The following SLC8A1 variants were observed in gnomAD, a reference collection of about 807,000 sequenced individuals.
SLC8A1 encodes sodium/calcium exchanger 1.
In SLC8A1, 18 loss-of-function variants were observed where a neutral mutation model predicts 68.3. That is an observed-to-expected ratio of 0.26 (90% CI 0.18 to 0.39). The LOEUF is 0.39. SLC8A1 is among the 10% of genes least tolerant of loss of function. SLC8A1 has a pLI of 1.00. For missense variants in SLC8A1, 985 were observed against 1,156.7 expected (o/e 0.85, Z 2.15); for synonymous variants, 475 against 415.5 (o/e 1.14, Z -1.74).
chr2:40,159,010 A>G (rs421960), intron 6 of SLC8A1, among the ~76,000 whole-genome samples: 3,769 of 152,266 alleles, frequency 0.025, 171 homozygotes, highest in African/African-American at 0.086. Flanking sequence ...ACTGGTCATA[A>G]AATGTTTCCT....
chr2:40,350,018 T>G (rs1670562610), intron 2 of SLC8A1, among the ~76,000 whole-genome samples: 1 of 152,194 alleles, frequency 6.6e-6, no homozygotes, highest in Non-Finnish European at 1.5e-5. Flanking sequence ...TTCTGAGCTT[T>G]GCTGTAGACT....
chr2:40,319,202 A>G (rs1280965882), intron 2 of SLC8A1, among the ~76,000 whole-genome samples: 1 of 152,096 alleles, frequency 6.6e-6, no homozygotes, highest in Non-Finnish European at 1.5e-5. Context: ...TGTGATCACA[A>G]TGAGAATTTC....
chr2:40,175,866 AT>A, intron 3 of SLC8A1: 1 of 344,188 alleles, frequency 2.9e-6, no homozygotes, highest in Non-Finnish European at 5.8e-6. Context: ...TTTGGATGAT[AT>A]TTTGTCCACC....
intron 4 of SLC8A1, among the ~76,000 whole-genome samples, chr2:40,174,054 G>A (rs2048021919): frequency 1.3e-5 from 2 of 152,044 alleles, no homozygotes; most frequent in Admixed American, 1.3e-4. Flanking sequence ...GACATTTTGA[G>A]TTTTTATAGA....
At chr2:40,308,455 A>G (rs943077859) in intron 2 of SLC8A1, among the ~76,000 whole-genome samples, 24 of 152,266 alleles carry the variant, frequency 1.6e-4, no homozygotes, top group African/African-American at 5.8e-4. Flanking sequence ...CATGCTACAG[A>G]AAGTAACCAA....
chr2:40,409,881 T>C (rs1319394916), intron 2 of SLC8A1, among the ~76,000 whole-genome samples: 1 of 152,070 alleles, frequency 6.6e-6, no homozygotes, highest in Non-Finnish European at 1.5e-5. Context: ...AACCAATTAA[T>C]CTGAAAACTT....
intron 7 of SLC8A1, among the ~76,000 whole-genome samples, chr2:40,137,540 A>G (rs2040748007): frequency 6.6e-6 from 1 of 152,206 alleles, no homozygotes; most frequent in South Asian, 2.1e-4. Context: ...ATATTTTCCT[A>G]TAATTACCTC....
At chr2:40,376,713 C>T (rs1002820103) in intron 2 of SLC8A1, among the ~76,000 whole-genome samples, 6 of 152,114 alleles carry the variant, frequency 3.9e-5, no homozygotes, top group Non-Finnish European at 8.8e-5. Flanking sequence ...AGACAAGGAC[C>T]GATGATGCTT....
intron 2 of SLC8A1, among the ~76,000 whole-genome samples, chr2:40,382,152 C>G (rs1575893497): frequency 6.6e-6 from 1 of 152,174 alleles, no homozygotes; most frequent in Middle Eastern, 3.4e-3. Flanking sequence ...TTAATTATTA[C>G]TTTACATATC....
At chr2:40,345,226 G>C (rs564810328) in intron 2 of SLC8A1, among the ~76,000 whole-genome samples, 154 of 152,186 alleles carry the variant, frequency 1.0e-3, no homozygotes, top group African/African-American at 3.5e-3. Flanking sequence ...AGCATAGCAA[G>C]AAATTTCACT....
At chr2:40,198,219 T>C (rs918311008) in intron 2 of SLC8A1, among the ~76,000 whole-genome samples, 1 of 151,856 alleles carries the variant, frequency 6.6e-6, no homozygotes, top group Non-Finnish European at 1.5e-5. Flanking sequence ...AATATAGGGA[T>C]TAGAAGTAAA....
intron 1 of SLC8A1, among the ~76,000 whole-genome samples, chr2:40,439,238 C>G (rs573819464): frequency 2.0e-5 from 3 of 152,080 alleles, no homozygotes; most frequent in Non-Finnish European, 4.4e-5. Context: ...TAAGAAGAAA[C>G]AAGCAAGGAT....
chr2:40,289,979 T>G (rs760863171), intron 2 of SLC8A1, among the ~76,000 whole-genome samples: 1 of 151,910 alleles, frequency 6.6e-6, no homozygotes, highest in Non-Finnish European at 1.5e-5. Context: ...ATTTTTTAGG[T>G]AGTTGGTGCT....
intron 7 of SLC8A1, among the ~76,000 whole-genome samples, chr2:40,128,198 G>T (rs962044925): frequency 1.3e-5 from 2 of 152,202 alleles, no homozygotes; most frequent in Non-Finnish European, 2.9e-5. Flanking sequence ...TGTAAGCTTT[G>T]CCTTTTAAAT....
At chr2:40,165,684 T>TACTC (rs928778984) in intron 4 of SLC8A1, among the ~76,000 whole-genome samples, 4 of 152,150 alleles carry the variant, frequency 2.6e-5, no homozygotes, top group African/African-American at 9.7e-5. Flanking sequence ...GGAGTTAAAA[T>TACTC]ACTCACTCAC....
chr2:40,330,150 C>T (rs549697861), intron 2 of SLC8A1, among the ~76,000 whole-genome samples: 4 of 152,130 alleles, frequency 2.6e-5, no homozygotes, highest in African/African-American at 4.8e-5. Context: ...TTTATTAGGA[C>T]TAATGGTTAT....
intron 2 of SLC8A1, among the ~76,000 whole-genome samples, chr2:40,312,067 CA>C (rs778455602): frequency 7.9e-5 from 12 of 152,006 alleles, no homozygotes; most frequent in Non-Finnish European, 1.8e-4. Context: ...CTAGGCTAGA[CA>C]AAAAATTCAT....
intron 6 of SLC8A1, among the ~76,000 whole-genome samples, chr2:40,151,403 A>G (rs574230568): frequency 1.4e-4 from 21 of 152,324 alleles, no homozygotes; most frequent in African/African-American, 4.8e-4. Flanking sequence ...TCTTTATAAA[A>G]CAAAGACTTA....
At chr2:40,250,076 C>T (rs1472405429) in intron 2 of SLC8A1, among the ~76,000 whole-genome samples, 1 of 152,044 alleles carries the variant, frequency 6.6e-6, no homozygotes. Context: ...TAACAAGCTA[C>T]AGAACAATTC....
Sources: gnomAD v4.1 joint callset for allele counts (sites outside exome capture counted in the v4.1 genomes callset) on GRCh38, gnomAD v4.1.1 for gene constraint, MANE v1.5 for transcripts, NCBI Gene and HGNC (gene_info 2026-07-23, HGNC 2026-07-21) for gene names.